DISC1: variants seen among roughly 807,000 people sequenced by gnomAD.
The protein encoded by DISC1 is disrupted in schizophrenia 1 protein.
In DISC1, 57 loss-of-function variants were observed where a neutral mutation model predicts 84.5. That is an observed-to-expected ratio of 0.67 (90% CI 0.55 to 0.84). The LOEUF (loss-of-function observed/expected upper bound fraction) is 0.84, where lower values mean the gene tolerates loss of function less well. DISC1 is among the 40% of genes least tolerant of loss of function. DISC1 has a pLI of 0.00. For synonymous variants in DISC1, 411 were observed against 415.2 expected (o/e 0.99, Z 0.12); for missense variants, 1,000 against 1,057.8 (o/e 0.95, Z 0.76).
intron 10 of DISC1, among the ~76,000 whole-genome samples, chr1:231,980,622 T>G (rs2102866901): frequency 6.6e-6 from 1 of 152,346 alleles, no homozygotes; most frequent in South Asian, 2.1e-4. Context: ...GTAATTGATG[T>G]TCCAGTAAGT....
chr1:231,637,737 C>T (rs1019332420), intron 1 of DISC1, among the ~76,000 whole-genome samples: 1 of 152,156 alleles, frequency 6.6e-6, no homozygotes, highest in Non-Finnish European at 1.5e-5. Flanking sequence ...TTATCCAGTT[C>T]TCTGTTGATG....
intron 9 of DISC1, among the ~76,000 whole-genome samples, chr1:231,899,920 A>G (rs183116052): frequency 1.1e-4 from 17 of 152,252 alleles, no homozygotes; most frequent in Non-Finnish European, 1.3e-4. Flanking sequence ...AATATATACA[A>G]CTAGATTTAT....
intron 4 of DISC1, among the ~76,000 whole-genome samples, chr1:231,763,373 T>G (rs2075926108): frequency 6.6e-6 from 1 of 152,230 alleles, no homozygotes; most frequent in African/African-American, 2.4e-5. Context: ...TTCATAGTAC[T>G]TTATTTTATT....
chr1:231,764,997 C>T (rs2076054507), intron 4 of DISC1, among the ~76,000 whole-genome samples: 1 of 152,030 alleles, frequency 6.6e-6, no homozygotes, highest in Non-Finnish European at 1.5e-5. Flanking sequence ...CGAGACCATC[C>T]TGGCCAACAA....
chr1:231,683,083 A>G (rs1451335485), intron 1 of DISC1, among the ~76,000 whole-genome samples: 1 of 152,254 alleles, frequency 6.6e-6, no homozygotes, highest in Non-Finnish European at 1.5e-5. Flanking sequence ...GAACAGAGGC[A>G]TGGGGACAAA....
intron 9 of DISC1, among the ~76,000 whole-genome samples, chr1:231,889,770 C>T (rs985397456): frequency 6.6e-6 from 1 of 151,740 alleles, no homozygotes; most frequent in Non-Finnish European, 1.5e-5. Flanking sequence ...CATCTACTGC[C>T]CTTATTCTCT....
intron 10 of DISC1, chr1:231,959,149 G>C: frequency 8.7e-7 from 1 of 1,143,848 alleles, no homozygotes; most frequent in Non-Finnish European, 1.1e-6. Flanking sequence ...CATAAGAGAA[G>C]AATCTTCTTT....
At chr1:232,035,681 T>C (rs573149030) in intron 12 of DISC1, among the ~76,000 whole-genome samples, 63 of 152,306 alleles carry the variant, frequency 4.1e-4, no homozygotes, top group Admixed American at 2.9e-3. Flanking sequence ...TCAACATATT[T>C]CTACTTTCTC....
rs59197762 is a variant in DISC1, at chr1:232,004,871, C to G, written c.2043-3914C>G. Among the ~76,000 whole-genome samples the G allele has an allele frequency of 3.2e-3, 253 of 78,232 alleles. 1 individual carries two copies. The highest frequency in any genetic ancestry group is 6.5e-3 in the Middle Eastern group (1 of 154). 51.3% of individuals were successfully genotyped at this position (78,232 alleles called of 152,430 possible). On this transcript the variant is annotated intron_variant, in intron 10 of 12. Transcript: ENST00000439617. ...TCTCTCCCTCCCTCCCTCCCTGCCT[C>G]CCTCCCTCCCTCCCTTCCTTCCTTC... is the stretch of plus-strand genomic sequence containing the variant.
At chr1:231,892,449 C>T (rs1453043364) in intron 9 of DISC1, among the ~76,000 whole-genome samples, 1 of 152,036 alleles carries the variant, frequency 6.6e-6, no homozygotes, top group Non-Finnish European at 1.5e-5. Context: ...AACTGCTGAA[C>T]CCTGTGGTGC....
At chr1:231,786,849 C>T (rs1053139298) in intron 6 of DISC1, among the ~76,000 whole-genome samples, 4 of 152,144 alleles carry the variant, frequency 2.6e-5, no homozygotes, top group African/African-American at 7.2e-5. Context: ...CCCTTGGGAG[C>T]AGTGCTCTGA....
At chr1:231,700,611 G>C (rs998399797) in intron 2 of DISC1, among the ~76,000 whole-genome samples, 4 of 152,142 alleles carry the variant, frequency 2.6e-5, no homozygotes, top group African/African-American at 9.7e-5. Flanking sequence ...GGCCGGGGTT[G>C]GTTCCCATAA....
chr1:231,773,606 A>T (rs555210821), intron 6 of DISC1, among the ~76,000 whole-genome samples: 1 of 151,990 alleles, frequency 6.6e-6, no homozygotes, highest in Non-Finnish European at 1.5e-5. Context: ...GGATGGTCTT[A>T]ATTTCCTGAC....
chr1:231,978,767 G>GTA, intron 10 of DISC1, among the ~76,000 whole-genome samples: 1 of 152,224 alleles, frequency 6.6e-6, no homozygotes, highest in East Asian at 1.9e-4. Flanking sequence ...GACTCATCTT[G>GTA]TATATTTACT....
chr1:232,022,108 C>G lies in DISC1; in HGVS notation c.2308-4327C>G, dbSNP rs79197983. On this transcript the variant is annotated intron_variant, in intron 11 of 12. Transcript: ENST00000439617. Reference sequence around the variant, plus strand: ...ACATTGAAGGAATTTCAAGGGCCATCCAGGTTTAACAGGAGAAGTAATAAA... The same window carrying G: ...ACATTGAAGGAATTTCAAGGGCCATGCAGGTTTAACAGGAGAAGTAATAAA... 4.3e-3 allele frequency among the ~76,000 whole-genome samples: 659 copies of G among 152,222 alleles called. 3 individuals carry two copies. The highest frequency in any genetic ancestry group is 0.015 in the African/African-American group (631 of 41,512).
At chr1:231,906,719 C>T (rs988270366) in intron 9 of DISC1, among the ~76,000 whole-genome samples, 6 of 152,036 alleles carry the variant, frequency 3.9e-5, no homozygotes, top group Non-Finnish European at 5.9e-5. Context: ...ATTGCTCCAC[C>T]GTGCTTTTTG....
At chr1:231,832,410 A>C (rs1367879509) in intron 9 of DISC1, among the ~76,000 whole-genome samples, 1 of 151,960 alleles carries the variant, frequency 6.6e-6, no homozygotes, top group Non-Finnish European at 1.5e-5. Context: ...CATGCCTAGG[A>C]AGGAAAGGAG....
At chr1:231,922,667 A>C (rs2090080322) in intron 9 of DISC1, among the ~76,000 whole-genome samples, 1 of 151,758 alleles carries the variant, frequency 6.6e-6, no homozygotes, top group Non-Finnish European at 1.5e-5. Context: ...GACCCCACCC[A>C]GCCCTCCAGG....
chr1:231,668,706 G>T (rs2062262974), intron 1 of DISC1, among the ~76,000 whole-genome samples: 1 of 152,084 alleles, frequency 6.6e-6, no homozygotes, highest in African/African-American at 2.4e-5. Context: ...CTAATTATGG[G>T]GAGTGATTTT....
Sources: allele counts gnomAD v4.1 joint callset (sites outside exome capture counted in the v4.1 genomes callset), GRCh38; gene constraint gnomAD v4.1.1; transcripts MANE v1.5; gene names NCBI Gene and HGNC (gene_info 2026-07-23, HGNC 2026-07-21).